POFUT1: variants seen among roughly 807,000 people sequenced by gnomAD.
POFUT1 encodes the protein GDP-fucose protein O-fucosyltransferase 1.
In POFUT1, 16 loss-of-function variants were observed where a neutral mutation model predicts 42.4. That is an observed-to-expected ratio of 0.38 (90% CI 0.26 to 0.57). The LOEUF (loss-of-function observed/expected upper bound fraction) is 0.57. Ranked by LOEUF, POFUT1 falls within the 20% of genes least tolerant of loss-of-function variation. POFUT1 has a pLI of 0.71. For missense variants in POFUT1, 470 were observed against 504.6 expected (o/e 0.93, Z 0.66); for synonymous variants, 206 against 205.4 (o/e 1.00, Z -0.03).
chr20:32,227,315 G>A (rs1422573265), intron 4 of POFUT1, among the ~76,000 whole-genome samples: 1 of 152,100 alleles, frequency 6.6e-6, no homozygotes, highest in East Asian at 1.9e-4. Flanking sequence ...CCAGGAGTTC[G>A]AGACCAGCCT....
chr20:32,227,976 T>C (rs1251066869), intron 4 of POFUT1, among the ~76,000 whole-genome samples: 3 of 152,170 alleles, frequency 2.0e-5, no homozygotes, highest in Non-Finnish European at 4.4e-5. Flanking sequence ...CAGTGTGACA[T>C]ATAAAAGGTT....
rs1320344853 is a variant in POFUT1, at chr20:32,235,656, C to A, written c.*995C>A. On this transcript the variant is annotated 3_prime_UTR_variant, in exon 7 of 7. Transcript: ENST00000375749. ...ATCAGAATTATCAGTGGAGAAGCAC[C>A]TTTTGACTCTTCCCTTCCAATGTAA... The A allele has an allele frequency of 6.6e-6, 1 of 152,262 alleles. No individual in the cohort carries two copies. Among genetic ancestry groups the A allele is most frequent in the Non-Finnish European group, 1.5e-5 (1 of 68,072 alleles). 9.4% of individuals were successfully genotyped at this position (152,262 alleles called of 1,614,324 possible). A position where few individuals can be genotyped will look rare whatever the true frequency, so the allele number is the denominator to read the frequency against.
chr20:32,210,501 A>G (rs2047322046), intron 2 of POFUT1, among the ~76,000 whole-genome samples: 1 of 152,224 alleles, frequency 6.6e-6, no homozygotes, highest in Non-Finnish European at 1.5e-5. Context: ...ATTCAAAGCT[A>G]TCTTTGTCTG....
chr20:32,215,851 T>C (rs370964684), intron 3 of POFUT1, among the ~76,000 whole-genome samples: 1 of 152,194 alleles, frequency 6.6e-6, no homozygotes, highest in Non-Finnish European at 1.5e-5. Context: ...CACTGTTCCA[T>C]GAGGAAAATA....
At chr20:32,226,841 T>C (rs1600392260) in intron 4 of POFUT1, among the ~76,000 whole-genome samples, 1 of 152,326 alleles carries the variant, frequency 6.6e-6, no homozygotes, top group South Asian at 2.1e-4. Flanking sequence ...TTTAACTGTT[T>C]ACTTGTGAGT....
At chr20:32,211,828 G>A (rs2045837411) in intron 2 of POFUT1, among the ~76,000 whole-genome samples, 1 of 152,178 alleles carries the variant, frequency 6.6e-6, no homozygotes, top group South Asian at 2.1e-4. Flanking sequence ...GACCCTGCAA[G>A]CTTCTCCTTC....
chr20:32,234,361 GC>G, intron 6 of POFUT1, 111 bp from the exon 7 acceptor site: 1 of 993,852 alleles, frequency 1.0e-6, no homozygotes, highest in Non-Finnish European at 1.5e-6. Flanking sequence ...CCTCTTCTCT[GC>G]CCCTCCTTTT....
chr20:32,223,064 C>T (rs931917845), intron 4 of POFUT1: 2 of 985,400 alleles, frequency 2.0e-6, no homozygotes, highest in Non-Finnish European at 1.2e-6. Context: ...CCCACAGATA[C>T]ATACTGGACA....
chr20:32,217,138 C>T (rs2122574812), intron 4 of POFUT1: 2 of 1,581,946 alleles, frequency 1.3e-6, no homozygotes, highest in Non-Finnish European at 1.7e-6. Context: ...TTATTAATTG[C>T]ACCCCATTAG....
chr20:32,207,900 C>T lies in POFUT1; in HGVS notation c.-42C>T, dbSNP rs916663736. 28 of 1,549,204 alleles carry T rather than the reference C, an allele frequency of 1.8e-5. No individual in the cohort carries two copies. The highest frequency in any genetic ancestry group is 2.3e-5 in the Non-Finnish European group (27 of 1,156,354). The stretch of plus-strand genomic sequence containing the variant: ...CGGGCGCTCGCGTCCCTCCTTCCCT[C>T]CCCGACTGTGCGCCGCGGCTGGCTC... On this transcript the variant is annotated 5_prime_UTR_variant, in exon 1 of 7. Transcript: ENST00000375749.
rs566302328 is a variant in POFUT1, at chr20:32,215,505, C to T, written c.429+54C>T. 2.7e-6 allele frequency: 4 copies of T among 1,454,616 alleles called. No homozygotes were observed. In the African/African-American group the frequency reaches 5.6e-5, roughly 20 times the overall value. 90.1% of individuals were successfully genotyped at this position (1,454,616 alleles called of 1,614,324 possible). A position where few individuals can be genotyped will look rare whatever the true frequency, so the allele number is the denominator to read the frequency against. ...CTTCCTGTTCCATGTCCTCTAGGCC[C>T]CCAAGACTATGTCATGGCAAAATGT... On this transcript the variant is annotated intron_variant, in intron 3 of 6. Coordinates refer to ENST00000375749, the MANE Select transcript of POFUT1 (RefSeq NM_015352.2).
Position 32,237,565 on chromosome 20 carries a change from C to T in POFUT1, c.*2904C>T, listed in dbSNP as rs773332215. The T allele has an allele frequency of 4.1e-5, 10 of 242,344 alleles. No individual in the cohort carries two copies. The highest frequency in any genetic ancestry group is 8.7e-5 in the Non-Finnish European group (10 of 115,442). The allele number at this position is 242,344 out of a possible 1,614,324, so 15.0% of individuals were successfully genotyped here. A position where few individuals can be genotyped will look rare whatever the true frequency, so the allele number is the denominator to read the frequency against. ...GGAGAGGCAGGCATAGGCAGGGAACCGAGCAGCAGGTCAGAGCAGGCGAGC... is the reference window on the plus strand; with the variant it reads ...GGAGAGGCAGGCATAGGCAGGGAACTGAGCAGCAGGTCAGAGCAGGCGAGC... On this transcript the variant is annotated 3_prime_UTR_variant, in exon 7 of 7. Transcript: ENST00000375749.
intron 4 of POFUT1, chr20:32,218,045 C>T (rs1394184046): frequency 6.6e-6 from 1 of 152,176 alleles, no homozygotes; most frequent in African/African-American, 2.4e-5. Flanking sequence ...GAAATTGAAG[C>T]AGAAAGGAAT....
intron 2 of POFUT1, 66 bp downstream of exon 2, chr20:32,210,258 CCCTCAAGT>C: frequency 6.4e-7 from 1 of 1,558,812 alleles, no homozygotes; most frequent in East Asian, 2.2e-5. Context: ...TTACACTTAA[CCCTCAAGT>C]CCTCTGGGCT....
intron 3 of POFUT1, 99 bp from the exon 4 acceptor site, chr20:32,216,510 G>C: frequency 4.1e-6 from 3 of 732,082 alleles, no homozygotes; most frequent in Admixed American, 2.1e-5. Context: ...TTTGGCCTGA[G>C]TCACATCACC....
chr20:32,216,430 G>T (rs1490725878), intron 3 of POFUT1, among the ~76,000 whole-genome samples, 179 bp from the exon 4 acceptor site: 4 of 152,118 alleles, frequency 2.6e-5, no homozygotes, highest in African/African-American at 9.7e-5. Flanking sequence ...TTGAAGCCAC[G>T]GCACTCTGCT....
Position 32,230,807 on chromosome 20 carries a change from C to T in POFUT1, c.736-12C>T, listed in dbSNP as rs370903391. ...GTTGCCAGTATTTAACCCTGTTCCC[C>T]GCTCTCCGTAGAAGAACGCCTGTGC... On this transcript the variant is annotated splice_polypyrimidine_tract_variant and intron_variant, in intron 5 of 6. Transcript: ENST00000375749. 9.6e-5 allele frequency: 155 copies of T among 1,611,574 alleles called. 1 individual carries two copies. In the Admixed American group the frequency reaches 9.7e-4, roughly 10 times the overall value.
rs1251063002 is a variant in POFUT1 at position 32,234,836 on chromosome 20, G to T, written c.*175G>T. On this transcript the variant is annotated 3_prime_UTR_variant, in exon 7 of 7. Transcript: ENST00000375749. Reference sequence around the variant, plus strand: ...AGGAGGGAGACGCTCCATATCCCAGGGCATAGGACTTGCAGGTTCCTAGGA... The same window carrying T: ...AGGAGGGAGACGCTCCATATCCCAGTGCATAGGACTTGCAGGTTCCTAGGA... The T allele has an allele frequency of 3.5e-6, 2 of 564,672 alleles. No individual in the cohort carries two copies. The highest frequency in any genetic ancestry group is 6.1e-6 in the Non-Finnish European group (2 of 325,632). 35.0% of individuals were successfully genotyped at this position (564,672 alleles called of 1,614,324 possible).
Position 32,237,496 on chromosome 20 carries a change from A to G in POFUT1, c.*2835A>G. ...AAACAGCACGTGCAAAGGCCCCGAG[A>G]CTGGAGTGTGTTCCTGAAGAGCAGC... is the stretch of plus-strand genomic sequence containing the variant. On this transcript the variant is annotated 3_prime_UTR_variant, in exon 7 of 7. Transcript: ENST00000375749. 4.6e-6 allele frequency: 1 copy of G among 215,278 alleles called. No individual in the cohort carries two copies. The highest frequency in any genetic ancestry group is 9.8e-6 in the Non-Finnish European group (1 of 102,200). The allele number at this position is 215,278 out of a possible 1,614,324, so 13.3% of individuals were successfully genotyped here. A position where few individuals can be genotyped will look rare whatever the true frequency, so the allele number is the denominator to read the frequency against.
Sources: gnomAD v4.1 joint callset for allele counts (sites outside exome capture counted in the v4.1 genomes callset) on GRCh38, gnomAD v4.1.1 for gene constraint, MANE v1.5 for transcripts, NCBI Gene and HGNC (gene_info 2026-07-23, HGNC 2026-07-21) for gene names.